The following DNAH11 variants were observed in gnomAD, a reference collection of about 807,000 sequenced individuals.
DNAH11 encodes axonemal beta dynein heavy chain 11.
Under a neutral mutation model 526.0 loss-of-function variants are expected in DNAH11, and 442 were observed. That is an observed-to-expected ratio of 0.84 (90% CI 0.78 to 0.91). DNAH11 has a LOEUF of 0.91. Among genes scored for constraint, DNAH11 ranks in the 40% least tolerant of loss-of-function variants. The pLI is 0.00. For missense variants in DNAH11, 6,989 were observed against 5,448.7 expected (o/e 1.28, Z -8.90); for synonymous variants, 2,461 against 1,935.9 (o/e 1.27, Z -7.12).
At chr7:21,584,226 C>T (rs1211903223) in intron 9 of DNAH11, among the ~76,000 whole-genome samples, 2 of 152,184 alleles carry the variant, frequency 1.3e-5, no homozygotes, top group African/African-American at 4.8e-5. Flanking sequence ...GGCACATGTA[C>T]ACCATGGAAT....
chr7:21,690,130 C>G (rs1409795488), intron 34 of DNAH11, among the ~76,000 whole-genome samples: 1 of 152,090 alleles, frequency 6.6e-6, no homozygotes, highest in Non-Finnish European at 1.5e-5. Context: ...CTTTTAAATC[C>G]TTGCAGAATC....
intron 46 of DNAH11, among the ~76,000 whole-genome samples, chr7:21,737,043 CGATTTAGA>C (rs1335097519): frequency 3.3e-5 from 5 of 152,036 alleles, no homozygotes; most frequent in African/African-American, 1.2e-4. Context: ...GGCATGAATA[CGATTTAGA>C]GATGGCCTAT....
intron 28 of DNAH11, among the ~76,000 whole-genome samples, chr7:21,641,698 A>G (rs1787137354): frequency 6.6e-6 from 1 of 152,154 alleles, no homozygotes; most frequent in Admixed American, 6.5e-5. Context: ...TGCTTTTTAC[A>G]TCCTTTAAAA....
intron 29 of DNAH11, among the ~76,000 whole-genome samples, chr7:21,656,618 G>A (rs1782024926): frequency 6.6e-6 from 1 of 152,106 alleles, no homozygotes; most frequent in Admixed American, 6.6e-5. Context: ...GATGATTTAG[G>A]GGAATTGCAT....
intron 30 of DNAH11, among the ~76,000 whole-genome samples, chr7:21,669,823 G>A (rs1282361473): frequency 2.0e-5 from 3 of 151,970 alleles, no homozygotes; most frequent in African/African-American, 4.8e-5. Context: ...GTGGTACCTT[G>A]GTTGAAAGTC....
chr7:21,846,130 T>A (rs1782408056), intron 66 of DNAH11, among the ~76,000 whole-genome samples: 1 of 152,208 alleles, frequency 6.6e-6, no homozygotes, highest in African/African-American at 2.4e-5. Context: ...AGGCCTTACG[T>A]TCATACTTTG....
chr7:21,718,371 T>C (rs1784749680), intron 43 of DNAH11, among the ~76,000 whole-genome samples: 1 of 152,208 alleles, frequency 6.6e-6, no homozygotes, highest in South Asian at 2.1e-4. Flanking sequence ...GTATGTTTTC[T>C]AATAAAACAA....
At chr7:21,750,127 A>C in intron 53 of DNAH11, 95 bp from the exon 54 acceptor site, 1 of 1,408,914 alleles carries the variant, frequency 7.1e-7, no homozygotes. Flanking sequence ...TTTATGCTGA[A>C]CTTTGTCTTG....
At chr7:21,616,364 A>G (rs1000759353) in intron 22 of DNAH11, 72 bp downstream of exon 22, 1 of 1,238,908 alleles carries the variant, frequency 8.1e-7, no homozygotes, top group Non-Finnish European at 1.2e-6. Context: ...TCCCTAATCT[A>G]GTATCTGGTG....
At chr7:21,809,197 C>G (rs1789401196) in intron 63 of DNAH11, among the ~76,000 whole-genome samples, 1 of 152,132 alleles carries the variant, frequency 6.6e-6, no homozygotes, top group Non-Finnish European at 1.5e-5. Context: ...AGAAAAATAT[C>G]TATTCAAGAA....
At chr7:21,797,796 C>T (rs186597448) in intron 61 of DNAH11, among the ~76,000 whole-genome samples, 4 of 152,248 alleles carry the variant, frequency 2.6e-5, no homozygotes, top group South Asian at 4.1e-4. Context: ...TTTACCCAAA[C>T]ATTTGCCATT....
At chr7:21,718,060 G>C in intron 43 of DNAH11, 135 bp downstream of exon 43, 1 of 1,207,230 alleles carries the variant, frequency 8.3e-7, no homozygotes, top group Non-Finnish European at 1.1e-6. Flanking sequence ...CAACCCTCTT[G>C]CCCCCGCCCC....
chr7:21,846,419 GT>G (rs575030094), intron 66 of DNAH11, among the ~76,000 whole-genome samples: 12 of 151,892 alleles, frequency 7.9e-5, no homozygotes, highest in Admixed American at 1.3e-4. Context: ...TTTGCCGAGA[GT>G]TTTTTTATCA....
At chr7:21,591,722 G>A (rs1784695934) in intron 14 of DNAH11, 145 bp downstream of exon 14, 1 of 809,496 alleles carries the variant, frequency 1.2e-6, no homozygotes, top group Non-Finnish European at 1.7e-6. Context: ...TAAAGTGGAG[G>A]AATTTGTGTT....
chr7:21,564,075 A>G (rs1783566995), intron 5 of DNAH11, 111 bp from the exon 6 acceptor site: 2 of 713,862 alleles, frequency 2.8e-6, no homozygotes, highest in Admixed American at 3.0e-5. Context: ...CTATGACAAC[A>G]TTTAAGTGTG....
chr7:21,899,230 A>G (rs749963121), intron 79 of DNAH11, 106 bp from the exon 80 acceptor site: 57 of 838,540 alleles, frequency 6.8e-5, no homozygotes, highest in Non-Finnish European at 1.1e-4. Flanking sequence ...GCAGTGGTAT[A>G]CTTCTCCTCC....
chr7:21,581,859 G>C, intron 8 of DNAH11, 46 bp from the exon 9 acceptor site: 1 of 1,246,218 alleles, frequency 8.0e-7, no homozygotes, highest in Non-Finnish European at 1.2e-6. Context: ...TATTTTCGCT[G>C]TTGGATTATT....
rs752256608 is a variant in DNAH11 at position 21,617,699 on chromosome 7, C to T, written c.4176C>T (p.Ala1392=). ...GLEGTVKDMT[A]SLRAITELQS... ...AAGGCACAGTTAAGGACATGACAGC[C>T]TCCCTGAGGGCCATCACAGAGTTAC... Residue 1392 remains alanine, a synonymous_variant, in exon 23 of 82, where the codon GCC becomes GCT. Transcript: ENST00000409508. 2 of 1,613,836 alleles carry T rather than the reference C, an allele frequency of 1.2e-6. No individual in the cohort carries two copies. Among genetic ancestry groups the T allele is most frequent in the Non-Finnish European group, 8.5e-7 (1 of 1,179,808 alleles).
intron 45 of DNAH11, among the ~76,000 whole-genome samples, chr7:21,731,975 A>T (rs1230104242): frequency 6.6e-6 from 1 of 152,208 alleles, no homozygotes. Flanking sequence ...ATTAAACTTT[A>T]TCACAGATAT....
Sources: gnomAD v4.1 joint callset for allele counts (sites outside exome capture counted in the v4.1 genomes callset) on GRCh38, gnomAD v4.1.1 for gene constraint, MANE v1.5 for transcripts, NCBI Gene and HGNC (gene_info 2026-07-23, HGNC 2026-07-21) for gene names.